The following BCAR3 variants were observed in gnomAD, a reference collection of about 807,000 sequenced individuals.
The protein encoded by BCAR3 is BCAR3 adaptor protein, NSP family member.
A neutral mutation model predicts 80.1 loss-of-function variants in BCAR3; 37 were observed. The ratio of observed to expected loss-of-function variants is 0.46; its 90% CI spans 0.36 to 0.61. The LOEUF (loss-of-function observed/expected upper bound fraction) is 0.61. Among genes scored for constraint, BCAR3 ranks in the 20% least tolerant of loss-of-function variants. BCAR3 has a pLI of 0.00. For missense variants in BCAR3, 978 were observed against 1,068.2 expected, an observed-to-expected ratio of 0.92 and a Z score of 1.18; for synonymous variants, 389 against 418.9, an observed-to-expected ratio of 0.93 and a Z score of 0.87.
intron 3 of BCAR3, among the ~76,000 whole-genome samples, chr1:93,608,881 T>C (rs1026801952): frequency 6.6e-6 from 1 of 152,222 alleles, no homozygotes; most frequent in Non-Finnish European, 1.5e-5. Flanking sequence ...GGAAAGACAT[T>C]TCCTGCAAGG....
intron 2 of BCAR3, among the ~76,000 whole-genome samples, chr1:93,787,693 A>G (rs1284932837): frequency 2.0e-5 from 3 of 152,032 alleles, no homozygotes; most frequent in East Asian, 1.9e-4. Context: ...TATGATTTCA[A>G]TTTTCTTAAA....
chr1:93,564,493 G>GCC (rs1672856080), intron 11 of BCAR3, among the ~76,000 whole-genome samples: 1 of 151,862 alleles, frequency 6.6e-6, no homozygotes, highest in South Asian at 2.1e-4. Context: ...GGTCAGGCTG[G>GCC]TCTTGAACTC....
intron 3 of BCAR3, among the ~76,000 whole-genome samples, chr1:93,616,592 A>G (rs951319825): frequency 3.3e-5 from 5 of 152,218 alleles, no homozygotes; most frequent in Non-Finnish European, 5.9e-5. Flanking sequence ...TCACATAGAA[A>G]CACAAATAGA....
chr1:93,654,458 C>G (rs750039127), intron 2 of BCAR3, among the ~76,000 whole-genome samples: 14 of 152,120 alleles, frequency 9.2e-5, no homozygotes, highest in Non-Finnish European at 1.9e-4. Context: ...TGCCAATAAC[C>G]TGAATGAGTG....
At chr1:93,837,347 T>C (rs952899856) in intron 2 of BCAR3, among the ~76,000 whole-genome samples, 1 of 152,264 alleles carries the variant, frequency 6.6e-6, no homozygotes, top group African/African-American at 2.4e-5. Flanking sequence ...AAGCCTCAGT[T>C]GCTCTGTGTT....
intron 2 of BCAR3, among the ~76,000 whole-genome samples, chr1:93,760,268 A>C (rs925049646): frequency 1.3e-5 from 2 of 152,222 alleles, no homozygotes; most frequent in Non-Finnish European, 2.9e-5. Flanking sequence ...GATTAGAATC[A>C]AAGGAAGTCT....
intron 2 of BCAR3, among the ~76,000 whole-genome samples, chr1:93,758,051 G>A (rs1452320835): frequency 2.0e-5 from 3 of 152,142 alleles, no homozygotes; most frequent in Admixed American, 6.5e-5. Flanking sequence ...CTGCTGCATC[G>A]TCCACTTGTG....
intron 2 of BCAR3, among the ~76,000 whole-genome samples, chr1:93,650,191 C>T (rs1676278984): frequency 6.6e-6 from 1 of 152,160 alleles, no homozygotes; most frequent in Non-Finnish European, 1.5e-5. Context: ...TCGAGACCAG[C>T]CTGGCCAACA....
At chr1:93,840,013 G>T (rs921117295) in intron 2 of BCAR3, among the ~76,000 whole-genome samples, 1 of 152,176 alleles carries the variant, frequency 6.6e-6, no homozygotes, top group Non-Finnish European at 1.5e-5. Flanking sequence ...AGGAAGGGCA[G>T]AGGGCATTAT....
intron 2 of BCAR3, among the ~76,000 whole-genome samples, chr1:93,716,365 G>A (rs1650190222): frequency 6.6e-6 from 1 of 152,176 alleles, no homozygotes; most frequent in Admixed American, 6.5e-5. Flanking sequence ...CAGCGGAACT[G>A]GGTATTATTA....
At chr1:93,722,411 A>T (rs1466503042) in intron 2 of BCAR3, among the ~76,000 whole-genome samples, 1 of 152,192 alleles carries the variant, frequency 6.6e-6, no homozygotes, top group Admixed American at 6.5e-5. Flanking sequence ...CAGAAATCAG[A>T]TAGCCACAGC....
intron 2 of BCAR3, among the ~76,000 whole-genome samples, chr1:93,766,677 C>T (rs1335113750): frequency 6.6e-6 from 1 of 152,232 alleles, no homozygotes; most frequent in African/African-American, 2.4e-5. Flanking sequence ...TTCAGAAAAC[C>T]AGAGTCTCCT....
intron 2 of BCAR3, among the ~76,000 whole-genome samples, chr1:93,804,801 G>A (rs968297893): frequency 6.6e-6 from 1 of 152,216 alleles, no homozygotes; most frequent in South Asian, 2.1e-4. Flanking sequence ...CCATTCATCA[G>A]TTGATGAATA....
At chr1:93,563,560 C>T (rs1392011245) in intron 11 of BCAR3, among the ~76,000 whole-genome samples, 1 of 152,186 alleles carries the variant, frequency 6.6e-6, no homozygotes, top group Non-Finnish European at 1.5e-5. Flanking sequence ...TTGGGTCATA[C>T]AATCAGTATA....
Position 93,562,056 on chromosome 1 carries a change from A to C in BCAR3, c.*185T>G, listed in dbSNP as rs1159125474. The C allele has an allele frequency of 2.1e-6, 1 of 475,864 alleles. No individual in the cohort carries two copies. Among genetic ancestry groups the C allele is most frequent in the East Asian group, 3.5e-5 (1 of 28,860 alleles). The allele number at this position is 475,864 out of a possible 1,614,324, so 29.5% of individuals were successfully genotyped here. A position where few individuals can be genotyped will look rare whatever the true frequency, so the allele number is the denominator to read the frequency against. Reference sequence around the variant, plus strand: ...ATAAATTATTCATTTTAAAATCAGTAGTAACTTTAGACAATTCATAAATAA... The same window carrying C: ...ATAAATTATTCATTTTAAAATCAGTCGTAACTTTAGACAATTCATAAATAA... On this transcript the variant is annotated 3_prime_UTR_variant, in exon 12 of 12. Coordinates refer to ENST00000260502, the MANE Select transcript of BCAR3 (RefSeq NM_003567.4).
chr1:93,704,135 G>A (rs931020321), intron 3 of BCAR3, among the ~76,000 whole-genome samples: 1 of 152,174 alleles, frequency 6.6e-6, no homozygotes. Flanking sequence ...GGAATAGGTG[G>A]TCAGAGAAGG....
chr1:93,573,609 T>A lies in BCAR3; in HGVS notation c.1803-1768A>T, dbSNP rs193218025. Among the ~76,000 whole-genome samples, 65 of 142,808 alleles carry A rather than the reference T, an allele frequency of 4.6e-4. No individual in the cohort carries two copies. In the East Asian group the frequency reaches 4.9e-3, roughly 11 times the overall value. 93.7% of individuals were successfully genotyped at this position (142,808 alleles called of 152,430 possible). ...TCCAAACATAGACCTAAAATATATT[T>A]TTATTATTATTATTATTATTATTAT... On this transcript the variant is annotated intron_variant, in intron 8 of 11. Coordinates refer to ENST00000260502, the MANE Select transcript of BCAR3 (RefSeq NM_003567.4).
At chr1:93,666,735 G>A (rs1647932793) in intron 2 of BCAR3, among the ~76,000 whole-genome samples, 1 of 152,208 alleles carries the variant, frequency 6.6e-6, no homozygotes, top group Non-Finnish European at 1.5e-5. Context: ...TTGTGTATTA[G>A]TACGATGGTA....
At position 93,592,538 on chromosome 1, in the gene BCAR3, A is replaced by C. The variant is rs184637144; in HGVS notation, c.358-145T>G. Reference sequence around the variant, plus strand: ...GGGAGCCTGGATAATGATTACAAAGAGCTGTGACCTTTCGTTTCTCCGGCC... The same window carrying C: ...GGGAGCCTGGATAATGATTACAAAGCGCTGTGACCTTTCGTTTCTCCGGCC... On this transcript the variant is annotated intron_variant, in intron 3 of 11. Coordinates refer to ENST00000260502, the MANE Select transcript of BCAR3 (RefSeq NM_003567.4). This position sits in a 1 kb window ranked among gnomAD's most constrained non-coding sequence, Gnocchi z 4.8. 1 of 1,150,222 alleles carries C rather than the reference A, an allele frequency of 8.7e-7. No individual in the cohort carries two copies. The highest frequency in any genetic ancestry group is 2.6e-5 in the East Asian group (1 of 38,372). The allele number at this position is 1,150,222 out of a possible 1,614,324, so 71.3% of individuals were successfully genotyped here. A position where few individuals can be genotyped will look rare whatever the true frequency, so the allele number is the denominator to read the frequency against.
Sources: gnomAD v4.1 joint callset for allele counts (sites outside exome capture counted in the v4.1 genomes callset) on GRCh38, gnomAD v4.1.1 for gene constraint, Gnocchi (gnomAD v3.1) non-coding constraint, MANE v1.5 for transcripts, NCBI Gene and HGNC (gene_info 2026-07-23, HGNC 2026-07-21) for gene names.